Variants in STK10 observed in about 807,000 individuals in gnomAD.
STK10 encodes the protein serine/threonine-protein kinase 10.
STK10 carries 78 observed loss-of-function variants against 113.8 expected under a neutral mutation model. The observed-to-expected ratio is 0.69, with a 90% CI of 0.57 to 0.83. The LOEUF (loss-of-function observed/expected upper bound fraction) is 0.83. STK10 is among the 40% of genes least tolerant of loss of function. STK10 has a pLI of 0.00. For synonymous variants in STK10, 465 were observed against 494.7 expected (o/e 0.94, Z 0.80); for missense variants, 1,109 against 1,280.1 (o/e 0.87, Z 2.04).
chr5:172,108,906 TC>T (rs928298515), intron 4 of STK10, among the ~76,000 whole-genome samples: 8 of 151,904 alleles, frequency 5.3e-5, no homozygotes, highest in African/African-American at 1.9e-4. Flanking sequence ...TGCCTCAGCC[TC>T]CCAAGTAGAT....
chr5:172,107,271 T>C (rs747242124), intron 5 of STK10, among the ~76,000 whole-genome samples: 12 of 151,538 alleles, frequency 7.9e-5, no homozygotes, highest in Non-Finnish European at 1.3e-4. Flanking sequence ...CATGAAAAAA[T>C]TGGAAACACG....
At position 172,157,229 on chromosome 5, in the gene STK10, G is replaced by A. The variant is rs77492529; in HGVS notation, c.157-441C>T. Among the ~76,000 whole-genome samples, 764 of 152,302 alleles carry A rather than the reference G, an allele frequency of 5.0e-3. 6 individuals carry two copies. The highest frequency in any genetic ancestry group is 0.018 in the African/African-American group (736 of 41,568). ...GCAGGCTGGGGAGGGGCCAGAAATA[G>A]GGAGGCATTCAAAGGGTACTTTCAC... On this transcript the variant is annotated intron_variant, in intron 1 of 18. Transcript: ENST00000176763.
intron 1 of STK10, among the ~76,000 whole-genome samples, chr5:172,180,038 G>A (rs1324654771): frequency 2.0e-5 from 3 of 152,200 alleles, no homozygotes; most frequent in Non-Finnish European, 4.4e-5. Context: ...TGCACTTGAG[G>A]GGTCTAAGAG....
intron 2 of STK10, among the ~76,000 whole-genome samples, chr5:172,141,265 G>A (rs969835677): frequency 6.6e-6 from 1 of 152,196 alleles, no homozygotes; most frequent in African/African-American, 2.4e-5. Context: ...CTCACGCTAA[G>A]TGTTCTTATC....
intron 4 of STK10, among the ~76,000 whole-genome samples, chr5:172,116,520 T>G (rs1245212104): frequency 1.3e-5 from 2 of 152,174 alleles, no homozygotes; most frequent in African/African-American, 4.8e-5. Context: ...ATGTATGTGT[T>G]ATTTTGGTTA....
intron 16 of STK10, 68 bp from the exon 17 acceptor site, chr5:172,054,762 C>T: frequency 6.3e-7 from 1 of 1,594,478 alleles, no homozygotes; most frequent in Non-Finnish European, 8.5e-7. Context: ...GAGCCCCACT[C>T]AGCCCTGGCC....
chr5:172,162,233 C>T (rs889579734), intron 1 of STK10, among the ~76,000 whole-genome samples: 2 of 151,868 alleles, frequency 1.3e-5, no homozygotes, highest in Admixed American at 6.6e-5. Context: ...CCCAGCTACT[C>T]GGGAGGCTGG....
intron 1 of STK10, among the ~76,000 whole-genome samples, chr5:172,165,476 G>C (rs1770552824): frequency 6.6e-6 from 1 of 152,206 alleles, no homozygotes; most frequent in South Asian, 2.1e-4. Flanking sequence ...GGAGCCACTG[G>C]AGCTGCTGGG....
chr5:172,098,370 C>G (rs1768903335), intron 7 of STK10, among the ~76,000 whole-genome samples: 1 of 152,042 alleles, frequency 6.6e-6, no homozygotes, highest in Non-Finnish European at 1.5e-5. Context: ...AGCTGAGACC[C>G]AAGGGAAAGA....
intron 8 of STK10, among the ~76,000 whole-genome samples, chr5:172,094,293 G>A (rs1768798327): frequency 6.6e-6 from 1 of 152,146 alleles, no homozygotes; most frequent in Non-Finnish European, 1.5e-5. Context: ...AGCCAATTGT[G>A]ACAATGTGGG....
At chr5:172,169,826 G>A (rs373962874) in intron 1 of STK10, among the ~76,000 whole-genome samples, 3 of 152,194 alleles carry the variant, frequency 2.0e-5, no homozygotes, top group African/African-American at 7.2e-5. Context: ...AATTTCTATC[G>A]AGCAATTTGT....
At chr5:172,064,274 G>A (rs780418173) in intron 13 of STK10, 4 of 168,462 alleles carry the variant, frequency 2.4e-5, no homozygotes, top group Admixed American at 1.1e-4. Context: ...GAAAGGAGGC[G>A]TCAGGAATGA....
intron 8 of STK10, 74 bp downstream of exon 8, chr5:172,096,352 C>T (rs1768853425): frequency 1.3e-6 from 2 of 1,585,280 alleles, no homozygotes. Context: ...CTTCCCTGCC[C>T]CTCCCACACC....
intron 12 of STK10, among the ~76,000 whole-genome samples, chr5:172,070,692 G>C (rs1007292719): frequency 4.0e-5 from 6 of 151,746 alleles, no homozygotes; most frequent in African/African-American, 1.5e-4. Context: ...TCTTTGATAA[G>C]GTCAATAAAA....
intron 2 of STK10, among the ~76,000 whole-genome samples, chr5:172,154,432 C>T (rs1326163455): frequency 1.3e-5 from 2 of 152,214 alleles, no homozygotes; most frequent in South Asian, 2.1e-4. Context: ...CCTTTCATGC[C>T]TCCACACCGC....
Position 172,064,964 on chromosome 5 carries a change from C to T in STK10, c.1990-152G>A, listed in dbSNP as rs972536485. The T allele has an allele frequency of 2.1e-5, 16 of 768,938 alleles. No individual in the cohort carries two copies. The African/African-American group carries it at 2.1e-4, about 10-fold the overall frequency. 47.6% of individuals were successfully genotyped at this position (768,938 alleles called of 1,614,324 possible). Reference sequence around the variant, plus strand: ...ACCCTACGCGGCTCCCCACCAAGCCCCTCTGAGCAGGTGCTCCACACTGGC... The same window carrying T: ...ACCCTACGCGGCTCCCCACCAAGCCTCTCTGAGCAGGTGCTCCACACTGGC... On this transcript the variant is annotated intron_variant, in intron 12 of 18. Coordinates refer to ENST00000176763, the MANE Select transcript of STK10 (RefSeq NM_005990.4).
chr5:172,061,504 T>G (rs376321473), intron 13 of STK10: 2 of 420,998 alleles, frequency 4.8e-6, no homozygotes, highest in East Asian at 1.1e-4. Flanking sequence ...AGAGCTGGAG[T>G]GCAGTGGCAT....
chr5:172,149,347 G>C (rs1200954497), intron 2 of STK10, among the ~76,000 whole-genome samples: 1 of 152,170 alleles, frequency 6.6e-6, no homozygotes, highest in Admixed American at 6.5e-5. Context: ...TCTAGGCCAA[G>C]GAGCTGCCAG....
chr5:172,077,132 C>T (rs1768326842), intron 12 of STK10, among the ~76,000 whole-genome samples: 1 of 152,228 alleles, frequency 6.6e-6, no homozygotes, highest in Non-Finnish European at 1.5e-5. Flanking sequence ...GAACTGCATG[C>T]TGCTGGATGT....
Sources: gnomAD v4.1 joint callset for allele counts (sites outside exome capture counted in the v4.1 genomes callset) on GRCh38, gnomAD v4.1.1 for gene constraint, MANE v1.5 for transcripts, NCBI Gene and HGNC (gene_info 2026-07-23, HGNC 2026-07-21) for gene names.